HNRNPLL: variants seen among roughly 807,000 people sequenced by gnomAD.
The protein encoded by HNRNPLL is heterogeneous nuclear ribonucleoprotein L-like.
HNRNPLL carries 25 observed loss-of-function variants against 67.1 expected under a neutral mutation model. That is an observed-to-expected ratio of 0.37 (90% CI 0.27 to 0.52). The LOEUF is 0.52. Ranked by LOEUF, HNRNPLL falls within the 20% of genes least tolerant of loss-of-function variation. HNRNPLL has a pLI of 0.90. For synonymous variants in HNRNPLL, 267 were observed against 241.7 expected (o/e 1.10, Z -0.97); for missense variants, 542 against 673.9 (o/e 0.80, Z 2.17).
chr2:38,580,358 A>G (rs1287036493), intron 6 of HNRNPLL, among the ~76,000 whole-genome samples: 2 of 152,216 alleles, frequency 1.3e-5, no homozygotes, highest in Non-Finnish European at 2.9e-5. Context: ...TTACAAAACA[A>G]ACCTATTTGC....
chr2:38,592,664 G>T (rs548454934), intron 1 of HNRNPLL, among the ~76,000 whole-genome samples: 1 of 152,242 alleles, frequency 6.6e-6, no homozygotes, highest in Non-Finnish European at 1.5e-5. Context: ...GTATCTGTAC[G>T]AATTACTTTG....
chr2:38,565,991 C>T (rs1665845562), intron 12 of HNRNPLL: 1 of 951,894 alleles, frequency 1.1e-6, no homozygotes, highest in Non-Finnish European at 1.3e-6. Context: ...TTTTTTAAAC[C>T]ATCATTCATC....
rs1295136149 is a variant in HNRNPLL at position 38,563,701 on chromosome 2, T to C, written c.*481A>G. ...TCTGTAGTACTTAAAATTCAACATA[T>C]GTAACGTTATTCTCAAACTTCATTA... On this transcript the variant is annotated 3_prime_UTR_variant, in exon 13 of 13. Transcript: ENST00000449105. 1 of 153,794 alleles carries C rather than the reference T, an allele frequency of 6.5e-6. No homozygotes were observed. 9.5% of individuals were successfully genotyped at this position (153,794 alleles called of 1,614,324 possible). A position where few individuals can be genotyped will look rare whatever the true frequency, so the allele number is the denominator to read the frequency against.
At chr2:38,582,045 G>T (rs1666549100) in intron 5 of HNRNPLL, 27 bp downstream of exon 5, 2 of 1,598,438 alleles carry the variant, frequency 1.3e-6, no homozygotes, top group East Asian at 2.2e-5. Flanking sequence ...AATATTTCTT[G>T]GGTAGGGTGT....
intron 12 of HNRNPLL, among the ~76,000 whole-genome samples, chr2:38,565,310 T>C (rs2148331638): frequency 6.6e-6 from 1 of 152,336 alleles, no homozygotes; most frequent in Admixed American, 6.5e-5. Context: ...ATATACTGTC[T>C]CTAAGGTATT....
intron 8 of HNRNPLL, 134 bp downstream of exon 8, chr2:38,573,076 A>AT (rs1666155758): frequency 3.1e-6 from 2 of 646,486 alleles, no homozygotes; most frequent in African/African-American, 1.9e-5. Flanking sequence ...TATATAATAG[A>AT]TTTTTAGCTT....
intron 6 of HNRNPLL, chr2:38,581,692 G>C: frequency 3.7e-6 from 2 of 546,626 alleles, no homozygotes; most frequent in Non-Finnish European, 6.4e-6. Flanking sequence ...CTGAATGTGT[G>C]GGCTCCTTGT....
At chr2:38,565,692 G>T (rs1665830178) in intron 12 of HNRNPLL, among the ~76,000 whole-genome samples, 1 of 132,158 alleles carries the variant, frequency 7.6e-6, no homozygotes. Flanking sequence ...TTGCACCACT[G>T]CATTCCAGGC....
At chr2:38,597,260 C>A (rs1220886157) in intron 1 of HNRNPLL, among the ~76,000 whole-genome samples, 1 of 152,188 alleles carries the variant, frequency 6.6e-6, no homozygotes, top group African/African-American at 2.4e-5. Context: ...TTAAGTCACA[C>A]CTAAGTTTAC....
chr2:38,597,613 A>G (rs1270717712), intron 1 of HNRNPLL, among the ~76,000 whole-genome samples: 1 of 152,212 alleles, frequency 6.6e-6, no homozygotes, highest in Non-Finnish European at 1.5e-5. Context: ...TTTCCTATCC[A>G]AAGTTTTTAG....
At position 38,582,111 on chromosome 2, in the gene HNRNPLL, T is replaced by C; in HGVS notation, c.690A>G (p.Ile230Met). The C allele has an allele frequency of 6.2e-7, 1 of 1,614,006 alleles. No homozygotes were observed. The highest frequency in any genetic ancestry group is 1.1e-5 in the South Asian group (1 of 91,072). The change falls in exon 5 of 13, where the codon ATA (isoleucine) becomes ATG (methionine). Residue 230 changes from isoleucine to methionine, a missense_variant. Coordinates refer to ENST00000449105, the MANE Select transcript of HNRNPLL (RefSeq NM_138394.4). ...KAKAALNGADIYAGCCTLKIE... is the reference protein window; with the variant it reads ...KAKAALNGADMYAGCCTLKIE... ...TTTTTAGTGTGCAACATCCAGCATA[T>C]ATATCAGCTCCATTGAGTGCTGCTT... is the stretch of plus-strand genomic sequence containing the variant.
chr2:38,564,302 C>G (rs1665765573), intron 12 of HNRNPLL, 65 bp from the exon 13 acceptor site: 1 of 850,728 alleles, frequency 1.2e-6, no homozygotes, highest in East Asian at 2.5e-5. Context: ...CTTGAAGTAT[C>G]AGAGTAAATT....
chr2:38,593,289 T>C (rs76902305), intron 1 of HNRNPLL, among the ~76,000 whole-genome samples: 11,677 of 152,200 alleles, frequency 0.077, 792 homozygotes, highest in African/African-American at 0.18. Flanking sequence ...AACAAGCAAA[T>C]GTGCATGTAT....
intron 4 of HNRNPLL, among the ~76,000 whole-genome samples, chr2:38,582,460 G>A (rs1443103429): frequency 6.6e-6 from 1 of 151,994 alleles, no homozygotes; most frequent in African/African-American, 2.4e-5. Flanking sequence ...ACAGGTGTGT[G>A]CCACCGCACC....
chr2:38,564,520 T>C (rs1665775453), intron 12 of HNRNPLL, among the ~76,000 whole-genome samples: 1 of 144,356 alleles, frequency 6.9e-6, no homozygotes, highest in Non-Finnish European at 1.5e-5. Context: ...CTCAGGAGGC[T>C]GAGGCAGGAG....
At chr2:38,581,112 T>C (rs772896876) in intron 6 of HNRNPLL, 1 of 152,236 alleles carries the variant, frequency 6.6e-6, no homozygotes, top group Non-Finnish European at 1.5e-5. Context: ...TCTGTGTGGA[T>C]TGGTTGAGCA....
intron 2 of HNRNPLL, among the ~76,000 whole-genome samples, chr2:38,588,917 A>G (rs775086903): frequency 2.0e-5 from 3 of 152,182 alleles, no homozygotes; most frequent in Non-Finnish European, 2.9e-5. Flanking sequence ...GAAACAAAAA[A>G]GCTAAGGGAC....
At chr2:38,566,697 C>G (rs188696189) in intron 12 of HNRNPLL, among the ~76,000 whole-genome samples, 2 of 151,560 alleles carry the variant, frequency 1.3e-5, no homozygotes, top group Non-Finnish European at 2.9e-5. Context: ...GAAAGTGCAA[C>G]TATTGACCAG....
At chr2:38,579,796 C>T (rs971025770) in intron 6 of HNRNPLL, among the ~76,000 whole-genome samples, 4 of 151,674 alleles carry the variant, frequency 2.6e-5, no homozygotes, top group African/African-American at 9.7e-5. Context: ...GGGATAGCAA[C>T]CTAACAGTTT....
Sources: gnomAD v4.1 joint callset for allele counts (sites outside exome capture counted in the v4.1 genomes callset) on GRCh38, gnomAD v4.1.1 for gene constraint, MANE v1.5 for transcripts, NCBI Gene and HGNC (gene_info 2026-07-23, HGNC 2026-07-21) for gene names.